MATN2: variants seen among roughly 807,000 people sequenced by gnomAD.
MATN2 encodes the protein matrilin 2, also known as matrilin-2.
In MATN2, 69 loss-of-function variants were observed where a neutral mutation model predicts 103.2. The observed-to-expected ratio is 0.67, with a 90% CI of 0.55 to 0.82. The LOEUF (loss-of-function observed/expected upper bound fraction) is 0.82. Ranked by LOEUF, MATN2 falls within the 40% of genes least tolerant of loss-of-function variation. The pLI, the probability that MATN2 is intolerant of heterozygous loss-of-function variation, is 0.00. For missense variants in MATN2, 1,023 were observed against 1,211.5 expected, an observed-to-expected ratio of 0.84 and a Z score of 2.31; for synonymous variants, 429 against 450.2, an observed-to-expected ratio of 0.95 and a Z score of 0.60.
intron 5 of MATN2, among the ~76,000 whole-genome samples, chr8:97,967,261 T>G (rs946270077): frequency 1.4e-4 from 21 of 152,142 alleles, no homozygotes; most frequent in Non-Finnish European, 5.9e-5. Context: ...CCAAACCATA[T>G]TATTCCACTC....
At position 98,016,549 on chromosome 8, in the gene MATN2, C is replaced by T; in HGVS notation, c.1583C>T (p.Ser528Phe). 1 of 1,608,492 alleles carries T rather than the reference C, an allele frequency of 6.2e-7. No individual in the cohort carries two copies. Among genetic ancestry groups the T allele is most frequent in the Non-Finnish European group, 8.5e-7 (1 of 1,176,996 alleles). The change falls in exon 11 of 19, where the codon TCT (serine) becomes TTT (phenylalanine). Residue 528 changes from serine (S) to phenylalanine (F), a missense_variant. Physicochemically the swap from Ser to Phe is radical, Grantham distance 155. Coordinates refer to ENST00000254898, the MANE Select transcript of MATN2 (RefSeq NM_002380.5). ...CCCATTTGATTCTCAGAATTGGACT[C>T]TTGTGCTCTGGGGGACCACGGTTGT... is the stretch of plus-strand genomic sequence containing the variant. ...SDGKTCAKLDSCALGDHGCEH... is the reference protein window; with the variant it reads ...SDGKTCAKLDFCALGDHGCEH...
At chr8:97,903,788 G>T (rs570000386) in intron 2 of MATN2, among the ~76,000 whole-genome samples, 11 of 152,278 alleles carry the variant, frequency 7.2e-5, no homozygotes, top group African/African-American at 2.6e-4. Context: ...TGACTAGGAG[G>T]CTCCAAAGAG....
At chr8:97,938,364 G>A (rs572545392) in intron 3 of MATN2, among the ~76,000 whole-genome samples, 3 of 152,312 alleles carry the variant, frequency 2.0e-5, no homozygotes, top group African/African-American at 7.2e-5. Context: ...ATAACACCAA[G>A]TACTGAAGTT....
chr8:97,953,868 G>A (rs552748618), intron 4 of MATN2, among the ~76,000 whole-genome samples: 1 of 151,800 alleles, frequency 6.6e-6, no homozygotes, highest in East Asian at 1.9e-4. Flanking sequence ...AGGCTGAGGT[G>A]GAAGGATTGC....
intron 14 of MATN2, among the ~76,000 whole-genome samples, chr8:98,028,288 C>T (rs1176725776): frequency 3.3e-5 from 5 of 152,138 alleles, no homozygotes; most frequent in Admixed American, 2.6e-4. Flanking sequence ...GCAATAGCCC[C>T]TAGGGTGGAT....
chr8:97,979,714 T>C (rs1224896596), intron 6 of MATN2, among the ~76,000 whole-genome samples: 1 of 152,234 alleles, frequency 6.6e-6, no homozygotes, highest in African/African-American at 2.4e-5. Flanking sequence ...GAGAAAAGCT[T>C]GCTTGTTAAG....
At chr8:97,980,062 C>T (rs989454259) in intron 6 of MATN2, among the ~76,000 whole-genome samples, 5 of 152,036 alleles carry the variant, frequency 3.3e-5, no homozygotes, top group African/African-American at 9.7e-5. Context: ...GAAATGAGTA[C>T]GGCAAGGTCC....
intron 1 of MATN2, among the ~76,000 whole-genome samples, chr8:97,880,083 CTTT>C (rs5893432): frequency 5.2e-4 from 57 of 108,602 alleles, no homozygotes; most frequent in Admixed American, 4.6e-4. Context: ...ATCTTTCTTT[CTTT>C]TTTTTTTTTT....
In MATN2 at chr8:97,945,705, GA is replaced by G. The variant is rs71303437; in HGVS notation, c.835+3819del. On this transcript the variant is annotated intron_variant, in intron 4 of 18. Transcript: ENST00000254898. Reference sequence around the variant, plus strand: ...AATACACACACACATACACACTATAGAAAAAAAAAAAAATATATATATATAT... The same window carrying G: ...AATACACACACACATACACACTATAGAAAAAAAAAAAATATATATATATAT... 2.0e-3 allele frequency among the ~76,000 whole-genome samples: 238 copies of G among 119,840 alleles called. 3 individuals carry two copies. The highest frequency in any genetic ancestry group is 5.4e-3 in the African/African-American group (173 of 32,012). The allele number at this position is 119,840 out of a possible 152,430, so 78.6% of individuals were successfully genotyped here.
At chr8:97,949,625 A>G (rs1810877857) in intron 4 of MATN2, among the ~76,000 whole-genome samples, 1 of 152,218 alleles carries the variant, frequency 6.6e-6, no homozygotes, top group South Asian at 2.1e-4. Flanking sequence ...TTTACCTATC[A>G]TGTGACCCAG....
chr8:97,883,432 G>C (rs1818317655), intron 1 of MATN2, among the ~76,000 whole-genome samples: 2 of 151,966 alleles, frequency 1.3e-5, no homozygotes, highest in African/African-American at 4.8e-5. Flanking sequence ...CTGTTACCCA[G>C]GCTGGAGTAC....
intron 17 of MATN2, 110 bp downstream of exon 17, chr8:98,033,286 G>A (rs1475088330): frequency 1.0e-6 from 1 of 983,888 alleles, no homozygotes; most frequent in Non-Finnish European, 1.4e-6. Context: ...AAATAGTATA[G>A]AGGAAAAGAG....
At chr8:97,944,789 A>G (rs1810691218) in intron 4 of MATN2, among the ~76,000 whole-genome samples, 4 of 152,110 alleles carry the variant, frequency 2.6e-5, no homozygotes, top group Admixed American at 2.6e-4. Context: ...ACACTGAGAG[A>G]AACTCACAGT....
intron 4 of MATN2, among the ~76,000 whole-genome samples, chr8:97,942,599 C>T (rs1021334207): frequency 2.0e-5 from 3 of 152,140 alleles, no homozygotes; most frequent in Admixed American, 1.3e-4. Context: ...CTACAGATGA[C>T]CAGGCTACCA....
chr8:97,996,604 C>T (rs1812597560), intron 7 of MATN2, among the ~76,000 whole-genome samples: 1 of 152,192 alleles, frequency 6.6e-6, no homozygotes, highest in African/African-American at 2.4e-5. Context: ...CTCATCGTTA[C>T]ATTTTCCATT....
intron 1 of MATN2, among the ~76,000 whole-genome samples, chr8:97,876,876 A>G (rs1818091695): frequency 6.6e-6 from 1 of 152,124 alleles, no homozygotes; most frequent in African/African-American, 2.4e-5. Flanking sequence ...TTATATTTGT[A>G]AATTTCTCAT....
At chr8:98,022,233 A>G (rs1390183073) in intron 13 of MATN2, among the ~76,000 whole-genome samples, 2 of 152,150 alleles carry the variant, frequency 1.3e-5, no homozygotes, top group Non-Finnish European at 2.9e-5. Context: ...ATGGTGCTGA[A>G]TGTTTTTTAT....
chr8:98,033,479 A>G, intron 17 of MATN2, 82 bp from the exon 18 acceptor site: 1 of 748,376 alleles, frequency 1.3e-6, no homozygotes. Flanking sequence ...GGTTTCCTCC[A>G]TATGCTGATT....
chr8:98,006,999 C>T, intron 8 of MATN2, 106 bp from the exon 9 acceptor site: 1 of 1,227,514 alleles, frequency 8.1e-7, no homozygotes, highest in African/African-American at 1.5e-5. Context: ...TAGAATGACA[C>T]CTTCCCTGTG....
Sources: gnomAD v4.1 joint callset for allele counts (sites outside exome capture counted in the v4.1 genomes callset) on GRCh38, gnomAD v4.1.1 for gene constraint, MANE v1.5 for transcripts, NCBI Gene and HGNC (gene_info 2026-07-23, HGNC 2026-07-21) for gene names.